The following CHD6 variants were observed in gnomAD, a reference collection of about 807,000 sequenced individuals.
CHD6 encodes chromodomain helicase DNA binding protein 6.
In CHD6, 50 loss-of-function variants were observed where a neutral mutation model predicts 276.9. The ratio of observed to expected loss-of-function variants is 0.18; its 90% CI spans 0.14 to 0.23. The LOEUF is 0.23. CHD6 is among the 10% of genes least tolerant of loss of function. CHD6 has a pLI of 1.00. For missense variants in CHD6, 2,564 were observed against 3,365.8 expected (o/e 0.76, Z 5.89); for synonymous variants, 1,173 against 1,229.3 (o/e 0.95, Z 0.96).
At chr20:41,487,302 AAAGGATG>A (rs2043439432) in intron 14 of CHD6, among the ~76,000 whole-genome samples, 1 of 152,316 alleles carries the variant, frequency 6.6e-6, no homozygotes, top group East Asian at 1.9e-4. Context: ...TTTGAAGGGA[AAAGGATG>A]AAGGATGAGG....
intron 1 of CHD6, among the ~76,000 whole-genome samples, chr20:41,556,453 C>T (rs1309934702): frequency 1.3e-5 from 2 of 151,104 alleles, no homozygotes; most frequent in African/African-American, 4.9e-5. Context: ...TAGGCCAGTT[C>T]CACTTTAAGG....
At chr20:41,425,902 T>C (rs1487914240) in intron 28 of CHD6, among the ~76,000 whole-genome samples, 191 bp downstream of exon 28, 4 of 152,240 alleles carry the variant, frequency 2.6e-5, no homozygotes, top group African/African-American at 7.2e-5. Context: ...CAAATTTTAA[T>C]GCCAGGTAGA....
Position 41,487,802 on chromosome 20 carries a change from TATG to T in CHD6, c.1861_1863del (p.His621del). On this transcript the variant is annotated inframe_deletion, in exon 14 of 37. Transcript: ENST00000373233. Reference sequence around the variant, plus strand: ...AAGGGTGTTCCAGTGAGAAGCACTTTATGTTCCTGCGCAAATTAAACATACATG... The same window carrying T: ...AAGGGTGTTCCAGTGAGAAGCACTTTTTCCTGCGCAAATTAAACATACATG... The T allele has an allele frequency of 6.2e-7, 1 of 1,608,644 alleles. No individual in the cohort carries two copies. Among genetic ancestry groups the T allele is most frequent in the Non-Finnish European group, 8.5e-7 (1 of 1,178,714 alleles).
Position 41,416,787 on chromosome 20 carries a change from ACGCGGTCCT to A in CHD6, c.6280-2_6286del, listed in dbSNP as rs1397297217. 1 of 1,568,152 alleles carries A rather than the reference ACGCGGTCCT, an allele frequency of 6.4e-7. No individual in the cohort carries two copies. Among genetic ancestry groups the A allele is most frequent in the Non-Finnish European group, 8.7e-7 (1 of 1,154,172 alleles). On this transcript the variant is annotated splice_acceptor_variant and coding_sequence_variant, in exon 33 of 37. Coordinates refer to ENST00000373233, the MANE Select transcript of CHD6 (RefSeq NM_032221.5). LOFTEE classifies it high-confidence loss of function. Reference sequence around the variant, plus strand: ...GATATTATCTAGGCGGTTAATTATCACGCGGTCCTAGAAAAAAGGATAAAGCTCTGATGA... The same window carrying A: ...GATATTATCTAGGCGGTTAATTATCAAGAAAAAAGGATAAAGCTCTGATGA...
At chr20:41,542,470 A>G (rs1323355728) in intron 2 of CHD6, among the ~76,000 whole-genome samples, 13 of 152,232 alleles carry the variant, frequency 8.5e-5, no homozygotes, top group Non-Finnish European at 1.8e-4. Context: ...AGGCGGGTGG[A>G]TCCCAAGGTC....
chr20:41,459,115 C>G (rs1318673365), intron 17 of CHD6, among the ~76,000 whole-genome samples: 2 of 152,118 alleles, frequency 1.3e-5, no homozygotes, highest in Non-Finnish European at 2.9e-5. Flanking sequence ...AGCAGGAATC[C>G]TATGTTTGCC....
chr20:41,547,777 A>C (rs1277929443), intron 2 of CHD6: 1 of 528,772 alleles, frequency 1.9e-6, no homozygotes, highest in Admixed American at 1.9e-5. Context: ...ATGCAGCACC[A>C]ATCTTTAGCC....
intron 23 of CHD6, among the ~76,000 whole-genome samples, chr20:41,450,582 G>A (rs2048206260): frequency 6.6e-6 from 1 of 152,066 alleles, no homozygotes; most frequent in African/African-American, 2.4e-5. Context: ...ACAGCAAACT[G>A]GAAGAGGTGG....
chr20:41,548,598 T>A lies in CHD6; in HGVS notation c.33+2707A>T, dbSNP rs62208538. Among the ~76,000 whole-genome samples the A allele has an allele frequency of 5.7e-3, 870 of 152,206 alleles. 3 individuals are homozygous for A. The highest frequency in any genetic ancestry group is 0.031 in the Middle Eastern group (9 of 294). ...CATAGGCATAGGCAAGGACTTCATG[T>A]CTAAAACACCAAAAGCAATGGCAAC... On this transcript the variant is annotated intron_variant, in intron 2 of 36. Coordinates refer to ENST00000373233, the MANE Select transcript of CHD6 (RefSeq NM_032221.5).
At chr20:41,500,932 C>T (rs1209979558) in intron 5 of CHD6, among the ~76,000 whole-genome samples, 7 of 152,118 alleles carry the variant, frequency 4.6e-5, no homozygotes, top group Admixed American at 4.6e-4. Context: ...TAAGAAGTCT[C>T]CCCCATCTCC....
chr20:41,498,340 G>A, intron 6 of CHD6, 114 bp from the exon 7 acceptor site: 2 of 774,096 alleles, frequency 2.6e-6, no homozygotes, highest in East Asian at 2.8e-5. Context: ...GATTTCTTAA[G>A]GCATATTTTC....
chr20:41,492,487 GC>G (rs1940464437), intron 10 of CHD6, among the ~76,000 whole-genome samples: 1 of 152,112 alleles, frequency 6.6e-6, no homozygotes, highest in Non-Finnish European at 1.5e-5. Context: ...TGATGTAAAA[GC>G]AAGAAATAAT....
intron 1 of CHD6, among the ~76,000 whole-genome samples, chr20:41,606,409 G>A (rs1380799486): frequency 1.3e-5 from 2 of 152,212 alleles, no homozygotes; most frequent in African/African-American, 2.4e-5. Flanking sequence ...AGCTACTCAG[G>A]AGGCTGAGGC....
chr20:41,464,568 C>T (rs1330599602), intron 17 of CHD6, among the ~76,000 whole-genome samples: 2 of 152,148 alleles, frequency 1.3e-5, no homozygotes, highest in South Asian at 2.1e-4. Context: ...CTATAATGAA[C>T]CCTGTGATGC....
chr20:41,456,108 A>T (rs1304439345), intron 18 of CHD6, 129 bp from the exon 19 acceptor site: 2 of 826,792 alleles, frequency 2.4e-6, no homozygotes, highest in Non-Finnish European at 1.8e-6. Flanking sequence ...GGACGTGGGC[A>T]ACAAACTTCA....
At chr20:41,407,234 T>C (rs1454898608) in intron 36 of CHD6, among the ~76,000 whole-genome samples, 3 of 149,214 alleles carry the variant, frequency 2.0e-5, no homozygotes, top group Admixed American at 2.0e-4. Context: ...GTCTGCAGAG[T>C]GGGGGGTGGG....
intron 1 of CHD6, among the ~76,000 whole-genome samples, chr20:41,617,611 G>A (rs927140123): frequency 3.3e-5 from 5 of 152,164 alleles, no homozygotes; most frequent in African/African-American, 4.8e-5. Flanking sequence ...ACCTTGAAGA[G>A]GACAGATAGA....
chr20:41,490,056 C>T, intron 11 of CHD6, 35 bp from the exon 12 acceptor site: 2 of 1,593,070 alleles, frequency 1.3e-6, no homozygotes, highest in Non-Finnish European at 1.7e-6. Flanking sequence ...AATTCATTAT[C>T]AATATAGGAA....
In CHD6 at chr20:41,404,340, T is replaced by C. The variant is rs1199014131; in HGVS notation, c.*253A>G. 26 of 1,204,614 alleles carry C rather than the reference T, an allele frequency of 2.2e-5. No homozygotes were observed. Among genetic ancestry groups the C allele is most frequent in the Non-Finnish European group, 2.7e-5 (26 of 968,674 alleles). The allele number at this position is 1,204,614 out of a possible 1,614,324, so 74.6% of individuals were successfully genotyped here. Reference sequence around the variant, plus strand: ...GTGTCACCAAGTACTGTATTAACTATGATTGCTGGAATGAACTGGATAACA... The same window carrying C: ...GTGTCACCAAGTACTGTATTAACTACGATTGCTGGAATGAACTGGATAACA... On this transcript the variant is annotated 3_prime_UTR_variant, in exon 37 of 37. Transcript: ENST00000373233.
Sources: gnomAD v4.1 joint callset for allele counts (sites outside exome capture counted in the v4.1 genomes callset) on GRCh38, gnomAD v4.1.1 for gene constraint, MANE v1.5 for transcripts, NCBI Gene and HGNC (gene_info 2026-07-23, HGNC 2026-07-21) for gene names.